RTTN: variants seen among roughly 807,000 people sequenced by gnomAD.
RTTN encodes the protein rotatin.
In RTTN, 182 loss-of-function variants were observed where a neutral mutation model predicts 269.2. The observed-to-expected ratio is 0.68, with a 90% confidence interval of 0.60 to 0.76. The LOEUF (loss-of-function observed/expected upper bound fraction) is 0.76. Among genes scored for constraint, RTTN ranks in the 30% least tolerant of loss-of-function variants. The pLI, the probability that RTTN is intolerant of heterozygous loss-of-function variation, is 0.00. For synonymous variants in RTTN, 1,006 were observed against 963.5 expected (o/e 1.04, Z -0.82); for missense variants, 2,545 against 2,608.6 (o/e 0.98, Z 0.53).
chr18:70,098,648 TA>T (rs750047606), intron 28 of RTTN, among the ~76,000 whole-genome samples: 7 of 152,192 alleles, frequency 4.6e-5, no homozygotes, highest in South Asian at 2.1e-4. Context: ...AAGTTTATTT[TA>T]TTTTTTTAAT....
At chr18:70,085,446 C>G (rs563631860) in intron 32 of RTTN, among the ~76,000 whole-genome samples, 1 of 152,240 alleles carries the variant, frequency 6.6e-6, no homozygotes, top group Non-Finnish European at 1.5e-5. Flanking sequence ...CGGAAACTTG[C>G]CCTTGCTACG....
chr18:70,141,908 G>A (rs2060267555), intron 19 of RTTN, among the ~76,000 whole-genome samples: 1 of 152,122 alleles, frequency 6.6e-6, no homozygotes, highest in Admixed American at 6.5e-5. Flanking sequence ...CATGCACTCA[G>A]TAAACAGAGG....
At chr18:70,152,416 A>G (rs2060562798) in intron 14 of RTTN, among the ~76,000 whole-genome samples, 1 of 152,184 alleles carries the variant, frequency 6.6e-6, no homozygotes, top group South Asian at 2.1e-4. Context: ...AGCTGTTAGG[A>G]GGATTCAATG....
chr18:70,198,476 C>T (rs73966832), intron 5 of RTTN, among the ~76,000 whole-genome samples: 12,414 of 152,228 alleles, frequency 0.082, 1,052 homozygotes, highest in African/African-American at 0.22. Context: ...TTAAAAATCA[C>T]TTAATGGCAT....
intron 25 of RTTN, among the ~76,000 whole-genome samples, chr18:70,125,553 T>A (rs1168920313): frequency 6.6e-6 from 1 of 152,048 alleles, no homozygotes; most frequent in Non-Finnish European, 1.5e-5. Context: ...ACATTATTTT[T>A]AAAATACAAT....
chr18:70,199,292 T>C (rs1202603540), intron 5 of RTTN, 122 bp downstream of exon 5: 26 of 521,726 alleles, frequency 5.0e-5, no homozygotes, highest in Middle Eastern at 3.2e-4. Context: ...ATCATTTAAA[T>C]ATGACCATTA....
At chr18:70,022,979 G>A (rs2056749303) in intron 44 of RTTN, among the ~76,000 whole-genome samples, 1 of 152,180 alleles carries the variant, frequency 6.6e-6, no homozygotes, top group South Asian at 2.1e-4. Flanking sequence ...TCCTGTGGTA[G>A]CCAGCCTCCA....
At chr18:70,012,974 G>C (rs1032202260) in intron 46 of RTTN, among the ~76,000 whole-genome samples, 2 of 152,260 alleles carry the variant, frequency 1.3e-5, no homozygotes, top group Middle Eastern at 3.4e-3. Flanking sequence ...AAAAAAAGCT[G>C]CTCCCTAAAG....
chr18:70,056,114 G>A (rs996929143), intron 37 of RTTN, among the ~76,000 whole-genome samples: 3 of 152,170 alleles, frequency 2.0e-5, no homozygotes, highest in African/African-American at 7.2e-5. Flanking sequence ...TGCATTTATG[G>A]CACAGACTCT....
rs1599064000 is a variant in RTTN, at chr18:70,005,246, G to A, written c.6547C>T (p.Pro2183Ser). Reference sequence around the variant, plus strand: ...TCATCCACTCTTCTTTTTACTGATGGGCTTTTCAAAGCTGTTTTTGCCTAG... The same window carrying A: ...TCATCCACTCTTCTTTTTACTGATGAGCTTTTCAAAGCTGTTTTTGCCTAG... ...YQKAKTALKS[P>S]SVKRRVDEAY... Residue 2183 changes from proline (P) to serine (S), a missense_variant, in exon 48 of 49, where the codon CCA (proline) becomes TCA (serine). Physicochemically the swap from Pro to Ser is moderately conservative, Grantham distance 74. Coordinates refer to ENST00000640769, the MANE Select transcript of RTTN (RefSeq NM_173630.4). The A allele has an allele frequency of 6.2e-7, 1 of 1,612,160 alleles. No individual in the cohort carries two copies. Among genetic ancestry groups the A allele is most frequent in the Non-Finnish European group, 8.5e-7 (1 of 1,179,058 alleles).
intron 35 of RTTN, among the ~76,000 whole-genome samples, chr18:70,063,166 C>A (rs900101604): frequency 1.3e-5 from 2 of 152,072 alleles, no homozygotes; most frequent in African/African-American, 4.8e-5. Context: ...GTTTTGTTAT[C>A]TATTGCCAAA....
At chr18:70,162,771 G>A (rs1415986317) in intron 14 of RTTN, among the ~76,000 whole-genome samples, 1 of 151,076 alleles carries the variant, frequency 6.6e-6, no homozygotes, top group Admixed American at 6.6e-5. Flanking sequence ...ACTACCTATT[G>A]GGTACTATGC....
chr18:70,126,203 T>C (rs2059860384), intron 25 of RTTN, among the ~76,000 whole-genome samples: 1 of 152,110 alleles, frequency 6.6e-6, no homozygotes, highest in African/African-American at 2.4e-5. Flanking sequence ...TGAGAGTCTT[T>C]CCTGTAATGT....
chr18:70,175,328 T>A (rs1333566171), intron 11 of RTTN, among the ~76,000 whole-genome samples: 3 of 152,012 alleles, frequency 2.0e-5, no homozygotes, highest in African/African-American at 7.2e-5. Context: ...TTTATTGCTA[T>A]CATGGGCAGA....
chr18:70,200,284 G>C (rs989443428), intron 4 of RTTN, among the ~76,000 whole-genome samples: 3 of 152,172 alleles, frequency 2.0e-5, no homozygotes, highest in Non-Finnish European at 4.4e-5. Flanking sequence ...ACTTTCTAAG[G>C]AAATAAGGAG....
rs749378261 is a variant in RTTN at position 70,176,643 on chromosome 18, A to G, written c.1476+32T>C. The G allele has an allele frequency of 3.1e-6, 5 of 1,589,148 alleles. No homozygotes were observed. The South Asian group carries it at 4.6e-5, about 15-fold the overall frequency. ...AGAGCATTTATTTATAATAGTCTGT[A>G]AAGTACAAATGAGCAGCATTGCCTG... is the stretch of plus-strand genomic sequence containing the variant. On this transcript the variant is annotated intron_variant, in intron 11 of 48. Coordinates refer to ENST00000640769, the MANE Select transcript of RTTN (RefSeq NM_173630.4).
At chr18:70,175,878 G>C (rs1436776904) in intron 11 of RTTN, among the ~76,000 whole-genome samples, 1 of 152,060 alleles carries the variant, frequency 6.6e-6, no homozygotes, top group Non-Finnish European at 1.5e-5. Context: ...TTTGTATTCT[G>C]TGTGTCAAGG....
chr18:70,023,331 T>C (rs1247507698), intron 44 of RTTN, among the ~76,000 whole-genome samples: 1 of 152,224 alleles, frequency 6.6e-6, no homozygotes. Flanking sequence ...TAATTTCTTT[T>C]GTAGCAATAA....
intron 5 of RTTN, among the ~76,000 whole-genome samples, chr18:70,198,973 G>C (rs151273325): frequency 6.0e-4 from 91 of 152,256 alleles, no homozygotes; most frequent in Non-Finnish European, 3.5e-4. Flanking sequence ...GATCACTTGA[G>C]ATTAAGAGTT....
Sources: allele counts gnomAD v4.1 joint callset (sites outside exome capture counted in the v4.1 genomes callset), GRCh38; gene constraint gnomAD v4.1.1; transcripts MANE v1.5; gene names NCBI Gene and HGNC (gene_info 2026-07-23, HGNC 2026-07-21).